The following GPALPP1 variants were observed in gnomAD, a reference collection of about 807,000 sequenced individuals.
GPALPP1 encodes the protein GPALPP motifs containing 1.
GPALPP1 carries 30 observed loss-of-function variants against 38.9 expected under a neutral mutation model. The ratio of observed to expected loss-of-function variants is 0.77; its 90% confidence interval spans 0.58 to 1.05. The LOEUF (loss-of-function observed/expected upper bound fraction) is 1.05. Ranked by LOEUF, GPALPP1 falls within the 50% of genes least tolerant of loss-of-function variation. GPALPP1 has a pLI of 0.00. For missense variants in GPALPP1, 384 were observed against 408.8 expected (o/e 0.94, Z 0.52); for synonymous variants, 120 against 139.2 (o/e 0.86, Z 0.97).
chr13:45,024,157 G>C (rs1456223159), intron 7 of GPALPP1, among the ~76,000 whole-genome samples: 3 of 8,884 alleles, frequency 3.4e-4, no homozygotes, highest in Admixed American at 2.7e-3. Context: ...CTGTGTGTGT[G>C]TGTGTGTGTG....
Position 45,015,505 on chromosome 13 carries a change from GGC to G in GPALPP1, c.615_616del (p.Pro206LysfsTer4). The G allele has an allele frequency of 6.2e-7, 1 of 1,609,286 alleles. No individual in the cohort carries two copies. Among genetic ancestry groups the G allele is most frequent in the Non-Finnish European group, 8.5e-7 (1 of 1,177,430 alleles). On this transcript the variant is annotated frameshift_variant, in exon 6 of 8. Transcript: ENST00000379151. LOFTEE classifies it high-confidence loss of function. ...CCAGAAATGAAAGACTTTGGTCTTG[GGC>G]CAAGGACTTTTAAGAGAAGAGCTGA...
chr13:45,019,579 G>A (rs147253347), intron 6 of GPALPP1, among the ~76,000 whole-genome samples: 71 of 151,304 alleles, frequency 4.7e-4, no homozygotes, highest in Middle Eastern at 3.4e-3. Context: ...CACAGTGCTA[G>A]GATCTGTGAA....
chr13:44,992,011 G>A (rs1357871107), intron 1 of GPALPP1, among the ~76,000 whole-genome samples: 2 of 152,098 alleles, frequency 1.3e-5, no homozygotes, highest in African/African-American at 4.8e-5. Flanking sequence ...TTTTACGTTG[G>A]ATGAACATTT....
intron 7 of GPALPP1, among the ~76,000 whole-genome samples, chr13:45,026,688 A>G (rs542460605): frequency 8.5e-5 from 13 of 152,326 alleles, no homozygotes; most frequent in African/African-American, 2.9e-4. Context: ...CCACTCTTCA[A>G]TATATCTGAA....
exon 8 of GPALPP1, chr13:45,037,522 G>A (rs1876428529): frequency 6.6e-6 from 1 of 152,060 alleles, no homozygotes; most frequent in South Asian, 2.1e-4. Context: ...TTATTCTTTA[G>A]TATTCATTTT....
At chr13:45,006,106 C>G in intron 2 of GPALPP1, 96 bp from the exon 3 acceptor site, 1 of 663,342 alleles carries the variant, frequency 1.5e-6, no homozygotes, top group Non-Finnish European at 2.7e-6. Flanking sequence ...AGTGTTTATA[C>G]AACTAGATTT....
intron 1 of GPALPP1, among the ~76,000 whole-genome samples, chr13:44,992,346 G>T (rs545920715): frequency 6.6e-6 from 1 of 152,064 alleles, no homozygotes; most frequent in Admixed American, 6.6e-5. Flanking sequence ...TTGATTTATA[G>T]AGTTCTTTTT....
chr13:45,014,134 T>C (rs1331070408), intron 4 of GPALPP1, among the ~76,000 whole-genome samples: 1 of 152,196 alleles, frequency 6.6e-6, no homozygotes, highest in Non-Finnish European at 1.5e-5. Flanking sequence ...AGACGATCAT[T>C]AGCTTATTCC....
intron 1 of GPALPP1, among the ~76,000 whole-genome samples, chr13:45,003,124 A>AT (rs767009577): frequency 6.6e-6 from 1 of 152,330 alleles, no homozygotes; most frequent in East Asian, 1.9e-4. Flanking sequence ...AGGCTTTGAA[A>AT]TCAGACTCCT....
chr13:45,022,590 A>T (rs7995392), intron 7 of GPALPP1, among the ~76,000 whole-genome samples: 8,537 of 152,218 alleles, frequency 0.056, 350 homozygotes, highest in East Asian at 0.12. Context: ...TCAAAGTATT[A>T]ATATAGTCTT....
rs186739152 is a variant in GPALPP1, at chr13:45,012,668, G to A, written c.409-2284G>A. ...TCCCTGGCTTCTTTTGGTAGAAGGC[G>A]AGGGTCAGGCTGGGACAGAGATTAC... is the stretch of plus-strand genomic sequence containing the variant. On this transcript the variant is annotated intron_variant, in intron 4 of 7. Transcript: ENST00000379151. Among the ~76,000 whole-genome samples the A allele has an allele frequency of 2.5e-3, 385 of 152,250 alleles. 4 individuals carry two copies. Among genetic ancestry groups the A allele is most frequent in the African/African-American group, 8.9e-3 (371 of 41,546 alleles).
Position 45,027,824 on chromosome 13 carries a change from A to C in GPALPP1, c.844A>C (p.Lys282Gln), listed in dbSNP as rs779924349. The change falls in exon 8 of 8, where the codon AAA (lysine) becomes CAA (glutamine). Residue 282 changes from lysine to glutamine, a missense_variant. Physicochemically the swap from Lys to Gln is moderately conservative, Grantham distance 53. Transcript: ENST00000379151. ...AGAATCTCTTATGGACATACATCAT[A>C]AAAAGTTAAAGAGTAAGGCTGCTGA... is the stretch of plus-strand genomic sequence containing the variant. ...RSESLMDIHHKKLKSKAAEDK... is the reference protein window; with the variant it reads ...RSESLMDIHHQKLKSKAAEDK... 6.3e-7 allele frequency: 1 copy of C among 1,596,078 alleles called. No homozygotes were observed.
At chr13:45,017,510 T>C (rs1011704349) in intron 6 of GPALPP1, among the ~76,000 whole-genome samples, 8 of 152,226 alleles carry the variant, frequency 5.3e-5, no homozygotes, top group Non-Finnish European at 8.8e-5. Flanking sequence ...TTGGAGTTTT[T>C]ATAATTTGGC....
chr13:44,994,282 TA>T (rs1218749243), intron 1 of GPALPP1, among the ~76,000 whole-genome samples: 1 of 150,386 alleles, frequency 6.6e-6, no homozygotes, highest in Non-Finnish European at 1.5e-5. Context: ...TCTAATTTCT[TA>T]AAAAAATGCC....
At chr13:45,021,737 G>A (rs1875445530) in intron 7 of GPALPP1, among the ~76,000 whole-genome samples, 1 of 152,010 alleles carries the variant, frequency 6.6e-6, no homozygotes, top group African/African-American at 2.4e-5. Flanking sequence ...AGACCTGAAT[G>A]ACAAAAATAC....
intron 1 of GPALPP1, among the ~76,000 whole-genome samples, chr13:44,993,598 C>G (rs1439181253): frequency 2.6e-5 from 4 of 151,840 alleles, no homozygotes; most frequent in African/African-American, 7.3e-5. Context: ...TTGAGAATCA[C>G]TTGTACCTGG....
At chr13:45,000,980 C>A (rs1009158040) in intron 1 of GPALPP1, among the ~76,000 whole-genome samples, 2 of 152,160 alleles carry the variant, frequency 1.3e-5, no homozygotes, top group Non-Finnish European at 2.9e-5. Flanking sequence ...GCCAATGATT[C>A]CAAAACTAGC....
rs761136823 is a variant in GPALPP1, at chr13:44,989,584, C to G, written c.-71C>G. On this transcript the variant is annotated 5_prime_UTR_variant, in exon 1 of 8. Transcript: ENST00000379151. ...ACCTGCCATTCTTCGCTGCTGATCGCGGGATTCTTTTTGGATAGGGTTGAC... is the reference window on the plus strand; with the variant it reads ...ACCTGCCATTCTTCGCTGCTGATCGGGGGATTCTTTTTGGATAGGGTTGAC... 2 of 1,502,018 alleles carry G rather than the reference C, an allele frequency of 1.3e-6. No individual in the cohort carries two copies. The highest frequency in any genetic ancestry group is 2.8e-5 in the African/African-American group (2 of 72,394). The allele number at this position is 1,502,018 out of a possible 1,614,324, so 93.0% of individuals were successfully genotyped here.
intron 1 of GPALPP1, among the ~76,000 whole-genome samples, chr13:44,992,117 G>A (rs944243483): frequency 2.0e-5 from 3 of 152,158 alleles, no homozygotes; most frequent in African/African-American, 7.2e-5. Context: ...AGTCACCAAA[G>A]TTCTCAGCGT....
Sources: allele counts gnomAD v4.1 joint callset (sites outside exome capture counted in the v4.1 genomes callset), GRCh38; gene constraint gnomAD v4.1.1; transcripts MANE v1.5; gene names NCBI Gene and HGNC (gene_info 2026-07-23, HGNC 2026-07-21).